ANKRD30B: variants seen among roughly 807,000 people sequenced by gnomAD.
ANKRD30B encodes ankyrin repeat domain 30B.
A neutral mutation model predicts 202.2 loss-of-function variants in ANKRD30B; 144 were observed. The observed-to-expected ratio is 0.71, with a 90% CI of 0.62 to 0.82. ANKRD30B has a LOEUF of 0.82. Among genes scored for constraint, ANKRD30B ranks in the 40% least tolerant of loss-of-function variants. ANKRD30B has a pLI of 0.00. For synonymous variants in ANKRD30B, 508 were observed against 561.3 expected, an observed-to-expected ratio of 0.91 and a Z score of 1.34; for missense variants, 1,487 against 1,669.1, an observed-to-expected ratio of 0.89 and a Z score of 1.90.
At chr18:14,930,323 C>A in the ANKRD30B span, among the ~76,000 whole-genome samples, 1 of 145,972 alleles carries the variant, frequency 6.9e-6, no homozygotes. Context: ...GAAGGCCGCA[C>A]AAGGGCAGGG....
At chr18:14,925,636 T>C in the ANKRD30B span, among the ~76,000 whole-genome samples, 11 of 152,372 alleles carry the variant, frequency 7.2e-5, no homozygotes, top group South Asian at 1.0e-3. Flanking sequence ...TATTCGGCCC[T>C]GGCCTGGCTG....
the ANKRD30B span, among the ~76,000 whole-genome samples, chr18:14,913,370 G>C: frequency 6.6e-6 from 1 of 152,184 alleles, no homozygotes; most frequent in Non-Finnish European, 1.5e-5. Context: ...CCAGAAGGAG[G>C]CTGGTTTGGG....
At chr18:14,856,500 G>A (rs561696004), downstream of ANKRD30B, among the ~76,000 whole-genome samples, 50 of 140,578 alleles carry the variant, frequency 3.6e-4, no homozygotes, top group African/African-American at 1.1e-3. Flanking sequence ...GACAATGGGC[G>A]GCTGGGGAGA....
At chr18:14,753,091 T>C (rs1209074585) in intron 3 of ANKRD30B, 79 bp downstream of exon 3, 12 of 1,154,418 alleles carry the variant, frequency 1.0e-5, no homozygotes, top group African/African-American at 1.6e-5. Context: ...GCTTTTATAT[T>C]TGGAAACACA....
At chr18:14,866,584 G>A in the ANKRD30B span, among the ~76,000 whole-genome samples, 8 of 152,248 alleles carry the variant, frequency 5.3e-5, no homozygotes, top group East Asian at 1.9e-4. Flanking sequence ...GCCTGGTTGC[G>A]GTTGGTGGTG....
chr18:14,822,421 A>G lies in ANKRD30B; in HGVS notation c.2642-62A>G, dbSNP rs1970467013. ...TTCATCTTCATATTCACACTGCATG[A>G]ATGTTTGGTAGACTTTGACAGGCTT... On this transcript the variant is annotated intron_variant, in intron 30 of 43. Coordinates refer to ENST00000690538, the MANE Select transcript of ANKRD30B (RefSeq NM_001367607.2). The G allele has an allele frequency of 3.2e-6, 3 of 930,328 alleles. No homozygotes were observed. In the South Asian group the frequency reaches 4.0e-5, roughly 12 times the overall value. 57.6% of individuals were successfully genotyped at this position (930,328 alleles called of 1,614,324 possible). A position where few individuals can be genotyped will look rare whatever the true frequency, so the allele number is the denominator to read the frequency against.
chr18:14,907,038 T>A, the ANKRD30B span, among the ~76,000 whole-genome samples: 2 of 152,048 alleles, frequency 1.3e-5, no homozygotes, highest in Admixed American at 6.5e-5. Context: ...AGATAAGGAA[T>A]TATGGAGGTC....
At chr18:14,855,161 G>A (rs1272502383), downstream of ANKRD30B, among the ~76,000 whole-genome samples, 4 of 152,064 alleles carry the variant, frequency 2.6e-5, no homozygotes, top group African/African-American at 4.8e-5. Flanking sequence ...ATCTTGCACC[G>A]CCCTTAATCC....
chr18:14,846,025 G>A (rs985580295), intron 39 of ANKRD30B, among the ~76,000 whole-genome samples: 1 of 151,320 alleles, frequency 6.6e-6, no homozygotes, highest in Non-Finnish European at 1.5e-5. Context: ...AAACCAATAC[G>A]AATATTTATC....
In ANKRD30B at chr18:14,852,157, C is replaced by T. The variant is rs777108602; in HGVS notation, c.4213C>T (p.Gln1405Ter). 9.4e-6 allele frequency: 15 copies of T among 1,593,348 alleles called. No individual in the cohort carries two copies. The East Asian group carries it at 2.6e-4, about 27-fold the overall frequency. The change falls in exon 42 of 44, where the codon CAA becomes TAA. Residue 1405 changes from glutamine (Q) to a stop codon, truncating the protein, a stop_gained. Coordinates refer to ENST00000690538, the MANE Select transcript of ANKRD30B (RefSeq NM_001367607.2). LOFTEE classifies it high-confidence loss of function. Reference sequence around the variant, plus strand: ...AGCTGAACACATGTATCAAAATGAACAAGATAATGTGGACAAACACACTGA... The same window carrying T: ...AGCTGAACACATGTATCAAAATGAATAAGATAATGTGGACAAACACACTGA... ...KKAEHMYQNE[Q>*]DNVDKHTEQQ...
chr18:14,753,070 A>C, intron 3 of ANKRD30B, 58 bp downstream of exon 3: 1 of 1,382,926 alleles, frequency 7.2e-7, no homozygotes, highest in East Asian at 2.5e-5. Context: ...TTTAATGTTA[A>C]CATATGTAAG....
chr18:14,770,565 AG>A (rs1370355637), intron 8 of ANKRD30B, among the ~76,000 whole-genome samples: 2 of 152,178 alleles, frequency 1.3e-5, no homozygotes, highest in African/African-American at 4.8e-5. Context: ...TGGAATTATC[AG>A]GGAAAGGCCA....
chr18:14,933,587 A>G, the ANKRD30B span, among the ~76,000 whole-genome samples: 1 of 152,130 alleles, frequency 6.6e-6, no homozygotes, highest in South Asian at 2.1e-4. Flanking sequence ...TTCCCTAGAG[A>G]TGCAGGCTCA....
chr18:14,931,975 A>C, the ANKRD30B span, among the ~76,000 whole-genome samples: 7 of 10,100 alleles, frequency 6.9e-4, 1 homozygote, highest in Admixed American at 2.4e-3. Flanking sequence ...TCCCTCCTGT[A>C]CTGTCCCAGG....
At chr18:14,820,518 T>A (rs1045130745) in intron 30 of ANKRD30B, among the ~76,000 whole-genome samples, 20 of 152,300 alleles carry the variant, frequency 1.3e-4, no homozygotes, top group African/African-American at 4.3e-4. Flanking sequence ...ATAGCTCTTA[T>A]TATTTTGAGA....
At chr18:14,894,522 A>G in the ANKRD30B span, among the ~76,000 whole-genome samples, 2 of 152,208 alleles carry the variant, frequency 1.3e-5, no homozygotes, top group East Asian at 3.9e-4. Flanking sequence ...TGGCTGTGCT[A>G]GCATGATAAC....
At chr18:14,852,497 A>C in intron 42 of ANKRD30B, 77 bp downstream of exon 42, 6 of 1,415,948 alleles carry the variant, frequency 4.2e-6, no homozygotes, top group Non-Finnish European at 5.6e-6. Flanking sequence ...AATCTAGTTG[A>C]ATATATATAT....
the ANKRD30B span, among the ~76,000 whole-genome samples, chr18:14,928,361 A>C: frequency 6.6e-6 from 1 of 152,174 alleles, no homozygotes; most frequent in African/African-American, 2.4e-5. Context: ...ATCTGTGAGG[A>C]TGTTTCTGGA....
chr18:14,883,446 T>C, the ANKRD30B span: 4 of 145,324 alleles, frequency 2.8e-5, no homozygotes, highest in East Asian at 2.0e-4. Flanking sequence ...TCTCCTGTTC[T>C]GTATATATCT....
Sources: gnomAD v4.1 joint callset for allele counts (sites outside exome capture counted in the v4.1 genomes callset) on GRCh38, gnomAD v4.1.1 for gene constraint, MANE v1.5 for transcripts, NCBI Gene and HGNC (gene_info 2026-07-23, HGNC 2026-07-21) for gene names.